The following IBTK variants were observed in gnomAD, a reference collection of about 807,000 sequenced individuals.
The protein encoded by IBTK is BTK-binding protein.
Under a neutral mutation model 154.9 loss-of-function variants are expected in IBTK, and 83 were observed. The ratio of observed to expected loss-of-function variants is 0.54; its 90% CI spans 0.45 to 0.64. The LOEUF (loss-of-function observed/expected upper bound fraction) is 0.64, where lower values mean the gene tolerates loss of function less well. Ranked by LOEUF, IBTK falls within the 30% of genes least tolerant of loss-of-function variation. The probability of loss-of-function intolerance (pLI) is 0.00; values close to 1 mark genes in which losing one functional copy is unlikely to be tolerated. For missense variants in IBTK, 1,332 were observed against 1,584.6 expected, an observed-to-expected ratio of 0.84 and a Z score of 2.71; for synonymous variants, 515 against 536.1, an observed-to-expected ratio of 0.96 and a Z score of 0.54.
intron 27 of IBTK, 95 bp downstream of exon 27, chr6:82,173,272 G>A (rs1269157715): frequency 3.6e-6 from 3 of 839,102 alleles, no homozygotes; most frequent in Non-Finnish European, 5.8e-6. Flanking sequence ...AGAGTGCTGG[G>A]ATTATAGGCA....
rs1315075577 is a variant in IBTK at position 82,240,793 on chromosome 6, C to T, written c.-307G>A. The stretch of plus-strand genomic sequence containing the variant: ...CCAAGGGGGAGTGAGGAGGGGAACT[C>T]CCCCTCCACACTGTCTGACCCTTTT... On this transcript the variant is annotated 5_prime_UTR_variant, in exon 2 of 29. Transcript: ENST00000306270. The T allele has an allele frequency of 1.6e-5, 7 of 446,926 alleles. No individual in the cohort carries two copies. The highest frequency in any genetic ancestry group is 2.7e-5 in the Non-Finnish European group (7 of 255,888). The allele number at this position is 446,926 out of a possible 1,614,324, so 27.7% of individuals were successfully genotyped here.
Position 82,216,681 on chromosome 6 carries a change from T to C in IBTK, c.1427-431A>G, listed in dbSNP as rs1008247692. ...TGTTTATTTGCTTCCTCCCTTTCTC[T>C]TCCCCCTTTCTTGCATGTATTCAGA... On this transcript the variant is annotated intron_variant, in intron 10 of 28. Transcript: ENST00000306270. 3.3e-5 allele frequency among the ~76,000 whole-genome samples: 5 copies of C among 152,200 alleles called. No homozygotes were observed. The East Asian group carries it at 9.6e-4, about 29-fold the overall frequency.
rs1286031178 is a variant in IBTK at position 82,200,197 on chromosome 6, G to A, written c.2969C>T (p.Ser990Leu). 1 of 1,613,738 alleles carries A rather than the reference G, an allele frequency of 6.2e-7. No homozygotes were observed. The highest frequency in any genetic ancestry group is 1.1e-5 in the South Asian group (1 of 91,050). Reference sequence around the variant, plus strand: ...AAGGTTATAACCTCCAGAACTATCTGAACGTTTACGTGGCTTCTTTTTAGC... The same window carrying A: ...AAGGTTATAACCTCCAGAACTATCTAAACGTTTACGTGGCTTCTTTTTAGC... Reference protein sequence around the residue: ...TKAKKKPRKRSDSSGGYNLSD... With the variant: ...TKAKKKPRKRLDSSGGYNLSD... Residue 990 changes from serine to leucine, a missense_variant, in exon 21 of 29, where the codon TCA (serine) becomes TTA (leucine). Transcript: ENST00000306270.
At position 82,225,512 on chromosome 6, in the gene IBTK, T is replaced by C. The variant is rs1232820807; in HGVS notation, c.790A>G (p.Ile264Val). 6.2e-7 allele frequency: 1 copy of C among 1,613,106 alleles called. No homozygotes were observed. The highest frequency in any genetic ancestry group is 1.1e-5 in the South Asian group (1 of 90,878). Residue 264 changes from isoleucine to valine, a missense_variant, in exon 6 of 29, where the codon ATT becomes GTT. Ile to Val is a conservative substitution (Grantham distance 29, BLOSUM62 3). Transcript: ENST00000306270. Reference protein sequence around the residue: ...GLNIFHQLGIIPPPSSCNVPR... With the variant: ...GLNIFHQLGIVPPPSSCNVPR... ...ACATTACAACTGGAAGGCGGTGGAA[T>C]AATTCCTAATTGATGAAAAATGTTT...
chr6:82,221,491 A>T (rs1770100060), intron 8 of IBTK, among the ~76,000 whole-genome samples: 1 of 152,244 alleles, frequency 6.6e-6, no homozygotes, highest in South Asian at 2.1e-4. Flanking sequence ...AATCATCTGT[A>T]CTGCTATTCA....
chr6:82,231,634 T>G (rs1033876291), intron 4 of IBTK, 84 bp downstream of exon 4: 2 of 1,015,458 alleles, frequency 2.0e-6, no homozygotes, highest in East Asian at 2.5e-5. Flanking sequence ...AACAAAGTTA[T>G]GTAATCCACA....
chr6:82,226,015 A>G (rs1349762024), intron 5 of IBTK, among the ~76,000 whole-genome samples: 3 of 152,184 alleles, frequency 2.0e-5, no homozygotes, highest in Non-Finnish European at 4.4e-5. Context: ...TTCGGGGAGT[A>G]GCCAAACATA....
chr6:82,221,673 C>T (rs1770106453), intron 8 of IBTK, among the ~76,000 whole-genome samples: 1 of 152,092 alleles, frequency 6.6e-6, no homozygotes, highest in African/African-American at 2.4e-5. Flanking sequence ...AAAATAATTT[C>T]CTTAATGTAC....
chr6:82,219,997 G>T (rs1770035150), intron 9 of IBTK, among the ~76,000 whole-genome samples: 3 of 152,096 alleles, frequency 2.0e-5, no homozygotes, highest in Admixed American at 6.6e-5. Flanking sequence ...ATCACTTGAG[G>T]CCAGGAGTTT....
intron 25 of IBTK, among the ~76,000 whole-genome samples, chr6:82,183,358 CGA>C (rs1291535817): frequency 1.3e-5 from 2 of 151,662 alleles, no homozygotes; most frequent in African/African-American, 4.8e-5. Context: ...TGCAGTGAGC[CGA>C]GACAGGGCCG....
chr6:82,183,147 T>A (rs947650901), intron 25 of IBTK, among the ~76,000 whole-genome samples: 4 of 152,244 alleles, frequency 2.6e-5, no homozygotes, highest in Non-Finnish European at 4.4e-5. Context: ...CAGTGGCTCA[T>A]GCCTGTAATC....
At chr6:82,246,556 G>A in intron 1 of IBTK, among the ~76,000 whole-genome samples, 1 of 149,946 alleles carries the variant, frequency 6.7e-6, no homozygotes, top group Non-Finnish European at 1.5e-5. Flanking sequence ...GCAATTCTCA[G>A]CCTCCCCAGT....
chr6:82,178,504 G>A (rs967406854), intron 26 of IBTK, among the ~76,000 whole-genome samples: 4 of 151,968 alleles, frequency 2.6e-5, no homozygotes, highest in Non-Finnish European at 5.9e-5. Flanking sequence ...TTGAAACAGG[G>A]TTACAATTTC....
chr6:82,233,718 T>G (rs1770606861), intron 3 of IBTK, among the ~76,000 whole-genome samples: 3 of 148,268 alleles, frequency 2.0e-5, no homozygotes, highest in Non-Finnish European at 3.0e-5. Context: ...AAAGTTTTTT[T>G]TTTTTTTTTT....
intron 26 of IBTK, among the ~76,000 whole-genome samples, chr6:82,174,399 T>TA (rs2127796101): frequency 6.6e-6 from 1 of 152,006 alleles, no homozygotes; most frequent in East Asian, 1.9e-4. Context: ...AAAAATACAA[T>TA]ATGGAAGATT....
rs1770285127 is a variant in IBTK, at chr6:82,226,026, TA to T, written c.655-380del. On this transcript the variant is annotated intron_variant, in intron 5 of 28. Coordinates refer to ENST00000306270, the MANE Select transcript of IBTK (RefSeq NM_015525.4). The stretch of plus-strand genomic sequence containing the variant: ...TCCCTTCGGGGAGTAGCCAAACATA[TA>T]GTATCATATTCCTTTGGAGTCATTT... 2.6e-5 allele frequency among the ~76,000 whole-genome samples: 4 copies of T among 152,232 alleles called. 1 individual carries two copies. The East Asian group carries it at 7.7e-4, about 29-fold the overall frequency.
chr6:82,212,786 C>A lies in IBTK; in HGVS notation c.2212G>T (p.Gly738Ter), dbSNP rs1769701858. 1 of 1,548,790 alleles carries A rather than the reference C, an allele frequency of 6.5e-7. No homozygotes were observed. The highest frequency in any genetic ancestry group is 8.9e-7 in the Non-Finnish European group (1 of 1,121,568). The change falls in exon 13 of 29, where the codon GGA becomes TGA. Residue 738 changes from glycine (G) to a stop codon, truncating the protein, a stop_gained. Transcript: ENST00000306270. LOFTEE classifies it high-confidence loss of function. ...DFSNLSSRLD[G>*]VRFENEKINV... The stretch of plus-strand genomic sequence containing the variant: ...ATTTTTTCATTTTCAAATCTGACTC[C>A]ATCTAACCTATCAAGGATAGATAAA...
chr6:82,204,035 A>C (rs563590340), intron 17 of IBTK, among the ~76,000 whole-genome samples: 1 of 152,294 alleles, frequency 6.6e-6, no homozygotes, highest in African/African-American at 2.4e-5. Context: ...AAAGTCAAAA[A>C]GGCTGTCAGG....
chr6:82,173,366 C>T lies in IBTK; in HGVS notation c.3797+1G>A. The T allele has an allele frequency of 6.2e-7, 1 of 1,609,892 alleles. No individual in the cohort carries two copies. Among genetic ancestry groups the T allele is most frequent in the Non-Finnish European group, 8.5e-7 (1 of 1,176,506 alleles). On this transcript the variant is annotated splice_donor_variant, in intron 27 of 28. Transcript: ENST00000306270. LOFTEE classifies it high-confidence loss of function. ...GCCCATAACTTATCAATTAACCTTA[C>T]TTGGGACTGTCTAGAAGTGGTAAAT...
Sources: allele counts gnomAD v4.1 joint callset (sites outside exome capture counted in the v4.1 genomes callset), GRCh38; gene constraint gnomAD v4.1.1; transcripts MANE v1.5; gene names NCBI Gene and HGNC (gene_info 2026-07-23, HGNC 2026-07-21).